TIMM21: variants seen among roughly 807,000 people sequenced by gnomAD.
TIMM21 encodes the protein mitochondrial import inner membrane translocase subunit Tim21.
Under a neutral mutation model 27.7 loss-of-function variants are expected in TIMM21, and 30 were observed. The observed-to-expected ratio is 1.08, with a 90% confidence interval of 0.81 to 1.47. The LOEUF (loss-of-function observed/expected upper bound fraction) is 1.47, where lower values mean the gene tolerates loss of function less well. TIMM21 is among the 40% of genes most tolerant of loss of function. The pLI, the probability that TIMM21 is intolerant of heterozygous loss-of-function variation, is 0.00. For synonymous variants in TIMM21, 121 were observed against 114.4 expected, an observed-to-expected ratio of 1.06 and a Z score of -0.37; for missense variants, 292 against 302.9, an observed-to-expected ratio of 0.96 and a Z score of 0.27.
At position 74,152,034 on chromosome 18, in the gene TIMM21, T is replaced by C. The variant is rs911660010; in HGVS notation, c.301+2925T>C. ...GTTGTAACTTGGCCAGGAGGGGAGG[T>C]GGAGAGCCCTCCTGAGAGCAGCACG... On this transcript the variant is annotated intron_variant, in intron 1 of 5. Transcript: ENST00000169551. The surrounding 1 kb of genome is among the most constrained non-coding windows in gnomAD (Gnocchi z 4.1). 1.5e-4 allele frequency among the ~76,000 whole-genome samples: 22 copies of C among 142,168 alleles called. No individual in the cohort carries two copies. Among genetic ancestry groups the C allele is most frequent in the African/African-American group, 4.9e-4 (18 of 37,078 alleles). The allele number at this position is 142,168 out of a possible 152,430, so 93.3% of individuals were successfully genotyped here.
intron 1 of TIMM21, among the ~76,000 whole-genome samples, chr18:74,150,742 T>C (rs2121912863): frequency 6.6e-6 from 1 of 152,292 alleles, no homozygotes; most frequent in African/African-American, 2.4e-5. Flanking sequence ...CCACTGTCAT[T>C]CTCCAGCACC....
At chr18:74,149,292 A>C (rs112469115) in intron 1 of TIMM21, among the ~76,000 whole-genome samples, 183 bp downstream of exon 1, 5,788 of 152,346 alleles carry the variant, frequency 0.038, 356 homozygotes, top group African/African-American at 0.13. Context: ...ATTGGAACTC[A>C]GATGTGAAAG....
Position 74,159,725 on chromosome 18 carries a change from C to T in TIMM21, c.*1245C>T, listed in dbSNP as rs1354113088. 6.6e-6 allele frequency: 1 copy of T among 152,230 alleles called. No individual in the cohort carries two copies. The highest frequency in any genetic ancestry group is 2.4e-5 in the African/African-American group (1 of 41,454). 9.4% of individuals were successfully genotyped at this position (152,230 alleles called of 1,614,324 possible). A position where few individuals can be genotyped will look rare whatever the true frequency, so the allele number is the denominator to read the frequency against. On this transcript the variant is annotated 3_prime_UTR_variant, in exon 6 of 6. Coordinates refer to ENST00000169551, the MANE Select transcript of TIMM21 (RefSeq NM_014177.3). ...ACACTTTGACTGAATGAGGCCTTAA[C>T]TTAGGCTTTCTCTCCTAATCGTTTT...
In TIMM21 at chr18:74,159,114, G is replaced by GGTT. The variant is rs1177012209; in HGVS notation, c.*638_*640dup. ...CGTGGTCAAGTGTCCCTGTTGTGTG[G>GGTT]GTTGTTAGGATGGCAGTGTGATGAG... is the stretch of plus-strand genomic sequence containing the variant. On this transcript the variant is annotated 3_prime_UTR_variant, in exon 6 of 6. Transcript: ENST00000169551. 3 of 153,412 alleles carry GGTT rather than the reference G, an allele frequency of 2.0e-5. No individual in the cohort carries two copies. The highest frequency in any genetic ancestry group is 4.3e-5 in the Non-Finnish European group (3 of 69,186). The allele number at this position is 153,412 out of a possible 1,614,324, so 9.5% of individuals were successfully genotyped here. A position where few individuals can be genotyped will look rare whatever the true frequency, so the allele number is the denominator to read the frequency against.
chr18:74,160,376 A>ACTT lies in TIMM21; in HGVS notation c.*1897_*1899dup. On this transcript the variant is annotated 3_prime_UTR_variant, in exon 6 of 6. Coordinates refer to ENST00000169551, the MANE Select transcript of TIMM21 (RefSeq NM_014177.3). ...TTATAATTAGAAATAAAACTAAATT[A>ACTT]CTTTTTCAAAAGGAAAAACTCTGTA... 1 of 152,200 alleles carries ACTT rather than the reference A, an allele frequency of 6.6e-6. No individual in the cohort carries two copies. Among genetic ancestry groups the ACTT allele is most frequent in the Admixed American group, 6.5e-5 (1 of 15,292 alleles). The allele number at this position is 152,200 out of a possible 1,614,324, so 9.4% of individuals were successfully genotyped here.
chr18:74,149,702 T>A (rs1271495867), intron 1 of TIMM21, among the ~76,000 whole-genome samples: 1 of 152,236 alleles, frequency 6.6e-6, no homozygotes, highest in African/African-American at 2.4e-5. Context: ...ACCCAAAAAA[T>A]TGGATCATAC....
Position 74,158,055 on chromosome 18 carries a change from G to A in TIMM21, c.504G>A (p.Glu168=). ...GTGAGTCTGTTAAAGGCTATGGGGA[G>A]GTGACAAGGCGGGGTCGCCGGCAGC... The part of the protein sequence containing the change: ...VFGESVKGYG[E]VTRRGRRQHV... Residue 168 remains glutamate, a synonymous_variant, in exon 4 of 6, where the codon GAG becomes GAA. Transcript: ENST00000169551. 1 of 1,614,196 alleles carries A rather than the reference G, an allele frequency of 6.2e-7. No homozygotes were observed. Among genetic ancestry groups the A allele is most frequent in the Non-Finnish European group, 8.5e-7 (1 of 1,180,046 alleles).
At position 74,148,751 on chromosome 18, in the gene TIMM21, CT is replaced by C. The variant is rs1979683134; in HGVS notation, c.-57del. 2 of 1,554,258 alleles carry C rather than the reference CT, an allele frequency of 1.3e-6. No homozygotes were observed. The highest frequency in any genetic ancestry group is 1.8e-5 in the Admixed American group (1 of 56,680). On this transcript the variant is annotated 5_prime_UTR_variant, in exon 1 of 6. It removes the in-frame stop codon of an upstream open reading frame in the 5' UTR. Transcript: ENST00000169551. Reference sequence around the variant, plus strand: ...TGTCCGGCCGCATGTGTAGTGAACCCTAAAGCTTTCCTAATTGTAGTTAGCA... The same window carrying C: ...TGTCCGGCCGCATGTGTAGTGAACCCAAAGCTTTCCTAATTGTAGTTAGCA...
chr18:74,155,296 G>A lies in TIMM21; in HGVS notation c.365-10G>A, dbSNP rs202045787. The stretch of plus-strand genomic sequence containing the variant: ...TTGCTTCGCTTCATCTTTGTTTTCT[G>A]TGATTTCAGGTGGCTTGTTTTACAC... On this transcript the variant is annotated splice_polypyrimidine_tract_variant and intron_variant, in intron 2 of 5. Transcript: ENST00000169551. The A allele has an allele frequency of 5.6e-6, 9 of 1,612,422 alleles. No individual in the cohort carries two copies. Among genetic ancestry groups the A allele is most frequent in the South Asian group, 1.1e-5 (1 of 90,552 alleles).
chr18:74,155,277 C>T (rs772533136), intron 2 of TIMM21, 29 bp from the exon 3 acceptor site: 7 of 1,611,700 alleles, frequency 4.3e-6, no homozygotes, highest in Admixed American at 3.4e-5. Context: ...GCCCTTGCTT[C>T]GCTTCATCTT....
intron 1 of TIMM21, among the ~76,000 whole-genome samples, chr18:74,150,259 C>T (rs1319907618): frequency 6.6e-6 from 1 of 152,130 alleles, no homozygotes; most frequent in Non-Finnish European, 1.5e-5. Flanking sequence ...TCCTGAATGT[C>T]CAGAACAGCA....
At position 74,158,628 on chromosome 18, in the gene TIMM21, C is replaced by A; in HGVS notation, c.*148C>A. The stretch of plus-strand genomic sequence containing the variant: ...ACAGTATTTGTTGCATTTAAACAAA[C>A]TAGACATTTTCTTACGGAAAAATTA... On this transcript the variant is annotated 3_prime_UTR_variant, in exon 6 of 6. Coordinates refer to ENST00000169551, the MANE Select transcript of TIMM21 (RefSeq NM_014177.3). The A allele has an allele frequency of 1.7e-6, 1 of 600,794 alleles. No individual in the cohort carries two copies. The highest frequency in any genetic ancestry group is 2.0e-5 in the South Asian group (1 of 50,058). 37.2% of individuals were successfully genotyped at this position (600,794 alleles called of 1,614,324 possible). A position where few individuals can be genotyped will look rare whatever the true frequency, so the allele number is the denominator to read the frequency against.
intron 1 of TIMM21, among the ~76,000 whole-genome samples, chr18:74,149,958 G>C (rs1029584740): frequency 4.6e-5 from 7 of 152,190 alleles, no homozygotes; most frequent in Admixed American, 2.6e-4. Context: ...TGAATTGATG[G>C]GAGCAACATT....
rs183718529 is a variant in TIMM21, at chr18:74,155,109, C to T, written c.302-36C>T. 15 of 1,603,248 alleles carry T rather than the reference C, an allele frequency of 9.4e-6. No individual in the cohort carries two copies. In the East Asian group the frequency reaches 1.8e-4, roughly 19 times the overall value. Reference sequence around the variant, plus strand: ...GCAGACAAGCTTGCCTGCTCCCAGCCGGCACCCGTAACCCATTGGTGTTTT... The same window carrying T: ...GCAGACAAGCTTGCCTGCTCCCAGCTGGCACCCGTAACCCATTGGTGTTTT... On this transcript the variant is annotated intron_variant, in intron 1 of 5. Coordinates refer to ENST00000169551, the MANE Select transcript of TIMM21 (RefSeq NM_014177.3).
At position 74,158,092 on chromosome 18, in the gene TIMM21, T is replaced by C. The variant is rs1463874248; in HGVS notation, c.536+5T>C. On this transcript the variant is annotated splice_donor_5th_base_variant and intron_variant, in intron 4 of 5. Transcript: ENST00000169551. ...GGGTCGCCGGCAGCATGTCAGGTAC[T>C]GTGGCTTGAATTCAGAGGAGGCTCT... is the stretch of plus-strand genomic sequence containing the variant. 5 of 1,614,020 alleles carry C rather than the reference T, an allele frequency of 3.1e-6. No homozygotes were observed. The African/African-American group carries it at 4.0e-5, about 13-fold the overall frequency.
In TIMM21 at chr18:74,158,825, C is replaced by G. The variant is rs563104282; in HGVS notation, c.*345C>G. ...TTTATATTATAGAACTGCATAATGT[C>G]TGCAGAATAAAATTAAAACTAACAA... is the stretch of plus-strand genomic sequence containing the variant. On this transcript the variant is annotated 3_prime_UTR_variant, in exon 6 of 6. Coordinates refer to ENST00000169551, the MANE Select transcript of TIMM21 (RefSeq NM_014177.3). 9.9e-6 allele frequency: 2 copies of G among 201,028 alleles called. No homozygotes were observed. Among genetic ancestry groups the G allele is most frequent in the Non-Finnish European group, 2.0e-5 (2 of 99,762 alleles). 12.5% of individuals were successfully genotyped at this position (201,028 alleles called of 1,614,324 possible).
At position 74,158,898 on chromosome 18, in the gene TIMM21, G is replaced by GAT. The variant is rs1318908340; in HGVS notation, c.*420_*421dup. ...CCGCATACTTTGGAATCTGACTTGA[G>GAT]ATAAGCATGTGAAAATGGTTGAGGG... is the stretch of plus-strand genomic sequence containing the variant. On this transcript the variant is annotated 3_prime_UTR_variant, in exon 6 of 6. Coordinates refer to ENST00000169551, the MANE Select transcript of TIMM21 (RefSeq NM_014177.3). The GAT allele has an allele frequency of 5.5e-6, 1 of 180,350 alleles. No individual in the cohort carries two copies. Among genetic ancestry groups the GAT allele is most frequent in the Non-Finnish European group, 1.2e-5 (1 of 86,816 alleles). The allele number at this position is 180,350 out of a possible 1,614,324, so 11.2% of individuals were successfully genotyped here.
chr18:74,155,831 G>A (rs1979936366), intron 3 of TIMM21, among the ~76,000 whole-genome samples: 1 of 152,176 alleles, frequency 6.6e-6, no homozygotes, highest in South Asian at 2.1e-4. Context: ...TTTGTGTTCG[G>A]CACTACTTTG....
chr18:74,156,515 G>C (rs1020615623), intron 3 of TIMM21: 9 of 382,818 alleles, frequency 2.4e-5, no homozygotes, highest in Non-Finnish European at 3.7e-5. Context: ...GGAGGATAAA[G>C]TATCTCAGAG....
Sources: allele counts gnomAD v4.1 joint callset (sites outside exome capture counted in the v4.1 genomes callset), GRCh38; gene constraint gnomAD v4.1.1; non-coding constraint Gnocchi (gnomAD v3.1); transcripts MANE v1.5; gene names NCBI Gene and HGNC (gene_info 2026-07-23, HGNC 2026-07-21).